The following FHOD3 variants were observed in gnomAD, a reference collection of about 807,000 sequenced individuals.
The protein encoded by FHOD3 is FH1/FH2 domain-containing protein 3.
FHOD3 carries 90 observed loss-of-function variants against 173.0 expected under a neutral mutation model. That is an observed-to-expected ratio of 0.52 (90% CI 0.44 to 0.62). The LOEUF (loss-of-function observed/expected upper bound fraction) is 0.62. FHOD3 is among the 20% of genes least tolerant of loss of function. The probability of loss-of-function intolerance (pLI) is 0.00; values close to 1 mark genes in which losing one functional copy is unlikely to be tolerated. For missense variants in FHOD3, 1,945 were observed against 2,034.7 expected, an observed-to-expected ratio of 0.96 and a Z score of 0.85; for synonymous variants, 828 against 823.0, an observed-to-expected ratio of 1.01 and a Z score of -0.10.
intron 5 of FHOD3, among the ~76,000 whole-genome samples, chr18:36,563,046 C>T (rs2062419422): frequency 6.6e-6 from 1 of 152,098 alleles, no homozygotes; most frequent in African/African-American, 2.4e-5. Flanking sequence ...CAACGAGTCC[C>T]CTCAGGTACG....
chr18:36,544,384 CCTGT>C (rs573772398), intron 5 of FHOD3, among the ~76,000 whole-genome samples: 118 of 152,338 alleles, frequency 7.7e-4, no homozygotes, highest in African/African-American at 2.8e-3. Context: ...TTGTTTGTTA[CCTGT>C]CTAATTGCCT....
At chr18:36,669,325 A>C (rs1057383644) in intron 14 of FHOD3, among the ~76,000 whole-genome samples, 2 of 151,832 alleles carry the variant, frequency 1.3e-5, no homozygotes, top group Non-Finnish European at 2.9e-5. Context: ...TTTGAACATA[A>C]ATTAGGTTTT....
At chr18:36,536,793 G>A (rs1431392897) in intron 5 of FHOD3, among the ~76,000 whole-genome samples, 3 of 152,160 alleles carry the variant, frequency 2.0e-5, no homozygotes, top group South Asian at 4.2e-4. Context: ...CCAGCCAGTC[G>A]GGACACACTA....
intron 5 of FHOD3, among the ~76,000 whole-genome samples, chr18:36,562,806 A>G (rs1379313083): frequency 1.3e-5 from 2 of 152,162 alleles, no homozygotes; most frequent in African/African-American, 2.4e-5. Flanking sequence ...CAGGAGACTC[A>G]CCTGTGGAGC....
At chr18:36,701,365 A>T (rs923700674) in intron 17 of FHOD3, among the ~76,000 whole-genome samples, 1 of 152,214 alleles carries the variant, frequency 6.6e-6, no homozygotes, top group South Asian at 2.1e-4. Context: ...ACTCTAATAG[A>T]ATAGTCACCC....
chr18:36,658,253 T>C (rs1350085892), intron 14 of FHOD3, 65 bp downstream of exon 14: 7 of 1,158,162 alleles, frequency 6.0e-6, no homozygotes, highest in Non-Finnish European at 7.4e-6. Context: ...TTTGGTTAAG[T>C]GTGGTTAAAG....
chr18:36,442,554 T>C (rs1466100327), intron 3 of FHOD3, among the ~76,000 whole-genome samples: 1 of 152,234 alleles, frequency 6.6e-6, no homozygotes, highest in Non-Finnish European at 1.5e-5. Context: ...AATGAGGATT[T>C]AGTGGAATCA....
intron 5 of FHOD3, among the ~76,000 whole-genome samples, chr18:36,545,544 G>A (rs2057379943): frequency 3.3e-5 from 5 of 152,200 alleles, no homozygotes; most frequent in Admixed American, 3.3e-4. Context: ...TTGATAACAT[G>A]TCAGTGTTAT....
chr18:36,370,417 A>T (rs1402193115), intron 2 of FHOD3, among the ~76,000 whole-genome samples: 1 of 151,788 alleles, frequency 6.6e-6, no homozygotes, highest in Non-Finnish European at 1.5e-5. Flanking sequence ...GGAAAAGATG[A>T]CCCCTCCAGG....
chr18:36,511,803 C>T (rs1033321438), intron 4 of FHOD3, among the ~76,000 whole-genome samples: 3 of 152,218 alleles, frequency 2.0e-5, no homozygotes, highest in Non-Finnish European at 4.4e-5. Context: ...CTTCCATGTC[C>T]TGCCTTCTGT....
chr18:36,563,693 G>A (rs1211243008), intron 5 of FHOD3, among the ~76,000 whole-genome samples: 2 of 152,072 alleles, frequency 1.3e-5, no homozygotes, highest in Non-Finnish European at 2.9e-5. Context: ...TTCTTGATGC[G>A]GTACTGTCTT....
At chr18:36,504,752 GTAAA>G (rs35485866) in intron 4 of FHOD3, among the ~76,000 whole-genome samples, 28 of 151,510 alleles carry the variant, frequency 1.8e-4, no homozygotes, top group Admixed American at 4.6e-4. Context: ...AATAATAAAA[GTAAA>G]TAAATAAATA....
intron 3 of FHOD3, among the ~76,000 whole-genome samples, chr18:36,431,705 G>T (rs2050560366): frequency 6.6e-6 from 1 of 152,178 alleles, no homozygotes; most frequent in African/African-American, 2.4e-5. Context: ...TTAGAGATGG[G>T]TTTATCACTA....
intron 3 of FHOD3, among the ~76,000 whole-genome samples, chr18:36,380,383 T>C (rs571991494): frequency 1.7e-4 from 26 of 152,238 alleles, no homozygotes; most frequent in Non-Finnish European, 3.2e-4. Flanking sequence ...AGAGAGATCA[T>C]TGGGGCAAGG....
At chr18:36,566,240 A>G (rs1017067485) in intron 5 of FHOD3, among the ~76,000 whole-genome samples, 2 of 152,214 alleles carry the variant, frequency 1.3e-5, no homozygotes, top group Non-Finnish European at 2.9e-5. Flanking sequence ...CAAGCAGGCA[A>G]ATAACTAATT....
At chr18:36,531,378 C>T (rs1177520782) in intron 5 of FHOD3, among the ~76,000 whole-genome samples, 1 of 152,100 alleles carries the variant, frequency 6.6e-6, no homozygotes, top group Non-Finnish European at 1.5e-5. Flanking sequence ...GCAGTTTGTC[C>T]CTTTGCTTTT....
At chr18:36,653,808 A>G (rs1352334507) in intron 13 of FHOD3, among the ~76,000 whole-genome samples, 1 of 152,248 alleles carries the variant, frequency 6.6e-6, no homozygotes, top group African/African-American at 2.4e-5. Flanking sequence ...TAGATTAATT[A>G]TAATAGCTGA....
intron 10 of FHOD3, among the ~76,000 whole-genome samples, chr18:36,629,722 G>T (rs145736987): frequency 1.1e-4 from 16 of 152,142 alleles, no homozygotes; most frequent in Non-Finnish European, 2.4e-4. Flanking sequence ...AGATTGAGGG[G>T]TCGGAGAAGG....
intron 10 of FHOD3, among the ~76,000 whole-genome samples, chr18:36,627,091 A>G (rs1398465489): frequency 1.3e-5 from 2 of 152,252 alleles, no homozygotes; most frequent in Non-Finnish European, 2.9e-5. Context: ...TTCTAAACAT[A>G]TTAAGGAAAG....
Sources: gnomAD v4.1 joint callset for allele counts (sites outside exome capture counted in the v4.1 genomes callset) on GRCh38, gnomAD v4.1.1 for gene constraint, MANE v1.5 for transcripts, NCBI Gene and HGNC (gene_info 2026-07-23, HGNC 2026-07-21) for gene names.